The following CC2D2A variants were observed in gnomAD, a reference collection of about 807,000 sequenced individuals.
CC2D2A encodes the protein coiled-coil and C2 domain containing 2A, also known as coiled-coil and C2 domain-containing protein 2A.
CC2D2A carries 155 observed loss-of-function variants against 212.9 expected under a neutral mutation model. That is an observed-to-expected ratio of 0.73 (90% CI 0.64 to 0.83). The LOEUF (loss-of-function observed/expected upper bound fraction) is 0.83, where lower values mean the gene tolerates loss of function less well. CC2D2A is among the 40% of genes least tolerant of loss of function. The pLI is 0.00. For missense variants in CC2D2A, 1,856 were observed against 1,956.2 expected (o/e 0.95, Z 0.97); for synonymous variants, 667 against 686.5 (o/e 0.97, Z 0.44).
chr4:15,599,599 T>G lies in CC2D2A; in HGVS notation c.4567T>G (p.Cys1523Gly). The change falls in exon 36 of 37, where the codon TGT becomes GGT. Residue 1523 changes from cysteine (C) to glycine (G), a missense_variant. Physicochemically the swap from Cys to Gly is radical, Grantham distance 159. This residue lies in a region of CC2D2A where 285 missense variants were observed against 278.4 expected (regional missense o/e 1.02). Transcript: ENST00000424120. ...PRHLTRWNRYCTSTLRHFLPL... is the reference protein window; with the variant it reads ...PRHLTRWNRYGTSTLRHFLPL... ...CCATCTGACTCGGTGGAATAGGTATTGTACCTCTACTCTGCGTCACTTCTT... is the reference window on the plus strand; with the variant it reads ...CCATCTGACTCGGTGGAATAGGTATGGTACCTCTACTCTGCGTCACTTCTT... 5 of 1,613,108 alleles carry G rather than the reference T, an allele frequency of 3.1e-6. No homozygotes were observed. The highest frequency in any genetic ancestry group is 4.2e-6 in the Non-Finnish European group (5 of 1,179,310).
intron 33 of CC2D2A, among the ~76,000 whole-genome samples, chr4:15,595,058 T>C (rs374974732): frequency 3.9e-5 from 6 of 152,116 alleles, no homozygotes; most frequent in Non-Finnish European, 5.9e-5. Flanking sequence ...CAAGTGATCC[T>C]CCCGCTTTGG....
Position 15,502,435 on chromosome 4 carries a change from C to G in CC2D2A, c.254C>G (p.Pro85Arg), listed in dbSNP as rs1716009103. 1.9e-6 allele frequency: 3 copies of G among 1,598,938 alleles called. No individual in the cohort carries two copies. The East Asian group carries it at 6.7e-5, about 36-fold the overall frequency. ...MTVRRGPRSLPPIPSTSRTGF... is the reference protein window; with the variant it reads ...MTVRRGPRSLRPIPSTSRTGF... ...TTTTGTTTTTGTTTTTTAGGCTTAC[C>G]TCCAATTCCTTCAACTTCCAGAACA... Residue 85 changes from proline to arginine, a missense_variant, in exon 5 of 37, where the codon CCT becomes CGT. Around this residue, in one of 5 missense-constraint regions of CC2D2A, gnomAD observed 1,512 missense variants for 1,579.3 expected, o/e 0.96. Transcript: ENST00000424120.
intron 35 of CC2D2A, among the ~76,000 whole-genome samples, chr4:15,598,803 G>A (rs937593981): frequency 2.6e-5 from 4 of 152,096 alleles, no homozygotes; most frequent in African/African-American, 7.2e-5. Flanking sequence ...TACTTCTTAC[G>A]CCTGTGTCTA....
chr4:15,483,265 G>A (rs1170810924), intron 4 of CC2D2A, among the ~76,000 whole-genome samples: 2 of 152,236 alleles, frequency 1.3e-5, no homozygotes, highest in Non-Finnish European at 2.9e-5. Flanking sequence ...GACTGCCCTA[G>A]GCAGGCAAGG....
chr4:15,595,931 C>A, intron 33 of CC2D2A, 154 bp from the exon 34 acceptor site: 2 of 476,940 alleles, frequency 4.2e-6, no homozygotes, highest in Non-Finnish European at 6.9e-6. Context: ...AAAATACACA[C>A]AATTTTTATA....
chr4:15,548,499 G>A (rs1211214530), intron 17 of CC2D2A, among the ~76,000 whole-genome samples: 10 of 151,260 alleles, frequency 6.6e-5, no homozygotes, highest in Non-Finnish European at 1.2e-4. Flanking sequence ...GTACCACTCC[G>A]AAAGGCCCTT....
rs1396400906 is a variant in CC2D2A at position 15,533,493 on chromosome 4, A to G, written c.1607+160A>G. On this transcript the variant is annotated intron_variant, in intron 14 of 36. Transcript: ENST00000424120. ...TTGCATACCTGAGCAGCCCCTCCCAAATAACATTCTCCTCAATCCCCAAAA... is the reference window on the plus strand; with the variant it reads ...TTGCATACCTGAGCAGCCCCTCCCAGATAACATTCTCCTCAATCCCCAAAA... The G allele has an allele frequency of 1.1e-4, 52 of 481,308 alleles. 1 individual carries two copies. Among genetic ancestry groups the G allele is most frequent in the Non-Finnish European group, 3.3e-5 (9 of 273,454 alleles). The allele number at this position is 481,308 out of a possible 1,614,324, so 29.8% of individuals were successfully genotyped here.
Position 15,489,586 on chromosome 4 carries a change from GAACA to G in CC2D2A, c.247+8766_247+8769del, listed in dbSNP as rs879417179. 5.3e-5 allele frequency among the ~76,000 whole-genome samples: 8 copies of G among 152,046 alleles called. No homozygotes were observed. The East Asian group carries it at 7.7e-4, about 15-fold the overall frequency. On this transcript the variant is annotated intron_variant, in intron 4 of 36. Transcript: ENST00000424120. ...CCAATTCCCTACCCTCCTTTAAAGC[GAACA>G]AACAAAAAAATAAAACTTCTTTACA...
At chr4:15,482,696 G>C (rs1306885084) in intron 4 of CC2D2A, among the ~76,000 whole-genome samples, 1 of 152,014 alleles carries the variant, frequency 6.6e-6, no homozygotes, top group African/African-American at 2.4e-5. Flanking sequence ...TTCAGAGGGG[G>C]GACACAATTC....
chr4:15,527,637 C>T lies in CC2D2A; in HGVS notation c.1340C>T (p.Ala447Val), dbSNP rs775138548. The T allele has an allele frequency of 1.8e-5, 29 of 1,607,856 alleles. No homozygotes were observed. The highest frequency in any genetic ancestry group is 4.5e-5 in the East Asian group (2 of 44,756). ...QYLARHQRNK[A>V]KFLTDKLQAL... ...CTTGCAAGACACCAGAGAAACAAGG[C>T]GAAATTTCTTACTGATAAGGTACAT... The change falls in exon 12 of 37, where the codon GCG becomes GTG. Residue 447 changes from alanine to valine, a missense_variant. By Grantham distance (64) the Ala-to-Val change is moderately conservative (BLOSUM62 0). Transcript: ENST00000424120.
Position 15,534,761 on chromosome 4 carries a change from GA to G in CC2D2A, c.1607+1437del, listed in dbSNP as rs540788648. Among the ~76,000 whole-genome samples, 19 of 150,066 alleles carry G rather than the reference GA, an allele frequency of 1.3e-4. 1 individual carries two copies. Among genetic ancestry groups the G allele is most frequent in the Admixed American group, 5.3e-4 (8 of 15,054 alleles). Reference sequence around the variant, plus strand: ...TTTGGCTGTAATTATAAAATTGAAAGAAAAAAAAAGCTTAGTTTTCAGGACA... The same window carrying G: ...TTTGGCTGTAATTATAAAATTGAAAGAAAAAAAAGCTTAGTTTTCAGGACA... On this transcript the variant is annotated intron_variant, in intron 14 of 36. Coordinates refer to ENST00000424120, the MANE Select transcript of CC2D2A (RefSeq NM_001378615.1).
Position 15,502,522 on chromosome 4 carries a change from G to C in CC2D2A, c.336+5G>C, listed in dbSNP as rs1420444011. ...GAGAAATTGCAAGCAGCGAGGGTGAGAGAAACCACATGAATATTCTGTTCA... is the reference window on the plus strand; with the variant it reads ...GAGAAATTGCAAGCAGCGAGGGTGACAGAAACCACATGAATATTCTGTTCA... On this transcript the variant is annotated splice_donor_5th_base_variant and intron_variant, in intron 5 of 36. Coordinates refer to ENST00000424120, the MANE Select transcript of CC2D2A (RefSeq NM_001378615.1). 2 of 1,593,466 alleles carry C rather than the reference G, an allele frequency of 1.3e-6. No individual in the cohort carries two copies. The highest frequency in any genetic ancestry group is 1.4e-5 in the African/African-American group (1 of 73,576).
intron 1 of CC2D2A, among the ~76,000 whole-genome samples, chr4:15,472,647 GT>G (rs35304734): frequency 0.82 from 114,341 of 138,826 alleles, 46,848 homozygotes; most frequent in East Asian, 0.96. Flanking sequence ...TGTTTCACAG[GT>G]TTTTTTTTTT....
intron 4 of CC2D2A, 59 bp from the exon 5 acceptor site, chr4:15,502,370 C>CTTTTT: frequency 8.7e-7 from 1 of 1,146,288 alleles, no homozygotes; most frequent in South Asian, 1.7e-5. Context: ...AGTAATTTTC[C>CTTTTT]TTTTTCTTTT....
chr4:15,545,587 G>T (rs1324610078), intron 17 of CC2D2A, among the ~76,000 whole-genome samples: 6 of 152,090 alleles, frequency 3.9e-5, no homozygotes, highest in African/African-American at 1.4e-4. Flanking sequence ...TAACCATAAG[G>T]CTCAGAGCTT....
intron 1 of CC2D2A, among the ~76,000 whole-genome samples, chr4:15,470,684 TCTC>T (rs1560383059): frequency 2.2e-4 from 6 of 27,864 alleles, no homozygotes; most frequent in African/African-American, 5.6e-4. Flanking sequence ...TCTCTCTCTC[TCTC>T]TCTATATATA....
At chr4:15,596,988 A>G (rs1170887612) in intron 34 of CC2D2A, among the ~76,000 whole-genome samples, 1 of 151,688 alleles carries the variant, frequency 6.6e-6, no homozygotes, top group African/African-American at 2.4e-5. Context: ...ACAATTACGT[A>G]AAGTTTAGAA....
chr4:15,478,843 AT>A (rs1560388161), intron 3 of CC2D2A, 37 bp downstream of exon 3: 1 of 1,471,678 alleles, frequency 6.8e-7, no homozygotes. Context: ...GCGTATTGTC[AT>A]TGATCAACAA....
chr4:15,510,317 C>T (rs113565267), intron 7 of CC2D2A, 77 bp downstream of exon 7: 21 of 1,301,542 alleles, frequency 1.6e-5, no homozygotes, highest in African/African-American at 7.4e-5. Flanking sequence ...GACTACAGGC[C>T]GGGTGTGGTG....
Sources: allele counts gnomAD v4.1 joint callset (sites outside exome capture counted in the v4.1 genomes callset), GRCh38; gene constraint gnomAD v4.1.1; regional missense constraint gnomAD v4.1.1; transcripts MANE v1.5; gene names NCBI Gene and HGNC (gene_info 2026-07-23, HGNC 2026-07-21).